Variants in PARP2 observed in about 807,000 individuals in gnomAD.
PARP2 encodes the protein poly(ADP-ribose) polymerase 2.
A neutral mutation model predicts 77.8 loss-of-function variants in PARP2; 57 were observed. The ratio of observed to expected loss-of-function variants is 0.73; its 90% CI spans 0.59 to 0.91. PARP2 has a LOEUF of 0.91. PARP2 is among the 40% of genes least tolerant of loss of function. PARP2 has a pLI of 0.00. For missense variants in PARP2, 651 were observed against 689.0 expected (o/e 0.94, Z 0.62); for synonymous variants, 226 against 242.6 (o/e 0.93, Z 0.64).
rs558473146 is a variant in PARP2, at chr14:20,350,964, T to G, written c.422-83T>G. On this transcript the variant is annotated intron_variant, in intron 5 of 15. Transcript: ENST00000429687. ...TTCCCTTCTCCCTTTCCTGCCTGTT[T>G]GTCAGATGTTAAGCAGAGAGATCTT... is the stretch of plus-strand genomic sequence containing the variant. The G allele has an allele frequency of 6.4e-5, 66 of 1,039,174 alleles. No homozygotes were observed. The African/African-American group carries it at 9.2e-4, about 15-fold the overall frequency. The allele number at this position is 1,039,174 out of a possible 1,614,324, so 64.4% of individuals were successfully genotyped here. A position where few individuals can be genotyped will look rare whatever the true frequency, so the allele number is the denominator to read the frequency against.
chr14:20,347,356 G>GTGTATGTATATATATATA (rs1168423656), intron 4 of PARP2, among the ~76,000 whole-genome samples: 2 of 29,562 alleles, frequency 6.8e-5, no homozygotes, highest in Non-Finnish European at 5.4e-5. Flanking sequence ...ATGTGTGTGT[G>GTGTATGTATATATATATA]TATATATATA....
chr14:20,353,972 C>A, intron 7 of PARP2, 113 bp from the exon 8 acceptor site: 1 of 799,084 alleles, frequency 1.3e-6, no homozygotes, highest in Admixed American at 2.4e-5. Flanking sequence ...ATTCCCTAGA[C>A]AGTGCAATAT....
rs1884177050 is a variant in PARP2, at chr14:20,356,956, GT to G, written c.1330-92del. 4 of 842,782 alleles carry G rather than the reference GT, an allele frequency of 4.7e-6. No individual in the cohort carries two copies. The South Asian group carries it at 5.5e-5, about 12-fold the overall frequency. 52.2% of individuals were successfully genotyped at this position (842,782 alleles called of 1,614,324 possible). On this transcript the variant is annotated intron_variant, in intron 13 of 15. Coordinates refer to ENST00000429687, the MANE Select transcript of PARP2 (RefSeq NM_001042618.2). ...GGAAATGGAGAAGGGTCTATATTGT[GT>G]TTAAGGGAATGGAAAAACAGGGTCA...
intron 3 of PARP2, among the ~76,000 whole-genome samples, chr14:20,345,815 G>A (rs531380647): frequency 1.3e-5 from 2 of 152,148 alleles, no homozygotes; most frequent in South Asian, 4.2e-4. Context: ...AAGGTGAAGC[G>A]GGAATAGGCA....
In PARP2 at chr14:20,357,425, AG is replaced by A; in HGVS notation, c.1459del (p.Glu487ArgfsTer32). 1 of 1,613,154 alleles carries A rather than the reference AG, an allele frequency of 6.2e-7. No individual in the cohort carries two copies. Among genetic ancestry groups the A allele is most frequent in the Non-Finnish European group, 8.5e-7 (1 of 1,179,632 alleles). ...VALGQCNELLEANPKAEGLLQ... is the reference protein window; with the variant it reads ...VALGQCNELLXANPKAEGLLQ... ...CTCTAGGTCAGTGTAATGAACTACT[AG>A]AGGCCAATCCTAAGGCCGAAGGATT... On this transcript the variant is annotated frameshift_variant, in exon 15 of 16. Transcript: ENST00000429687. LOFTEE classifies it high-confidence loss of function.
At chr14:20,348,137 GCACTGGGATTACAGGGATGAGC>G (rs1022294329) in intron 4 of PARP2, among the ~76,000 whole-genome samples, 4 of 152,078 alleles carry the variant, frequency 2.6e-5, no homozygotes, top group African/African-American at 9.7e-5. Flanking sequence ...TCCTCATGAG[GCACTGGGATTACAGGGATGAGC>G]CACTGGGACA....
At chr14:20,348,909 C>G (rs1883862147) in intron 4 of PARP2, among the ~76,000 whole-genome samples, 2 of 152,040 alleles carry the variant, frequency 1.3e-5, no homozygotes, top group South Asian at 4.1e-4. Context: ...ATCCCAGCTA[C>G]TCGGGAGGTT....
chr14:20,356,000 G>A lies in PARP2; in HGVS notation c.1070G>A (p.Arg357His), dbSNP rs370394530. Residue 357 changes from arginine to histidine, a missense_variant, in exon 11 of 16, where the codon CGC becomes CAC. By Grantham distance (29) the Arg-to-His change is conservative (BLOSUM62 0). Coordinates refer to ENST00000429687, the MANE Select transcript of PARP2 (RefSeq NM_001042618.2). Reference protein sequence around the residue: ...QHYRNLHCALRPLDHESYEFK... With the variant: ...QHYRNLHCALHPLDHESYEFK... ...TATAGAAACCTACATTGTGCCTTGC[G>A]CCCCCTTGACCATGAAAGTTATGAG... The A allele has an allele frequency of 2.3e-5, 37 of 1,613,746 alleles. No homozygotes were observed. The highest frequency in any genetic ancestry group is 4.4e-5 in the South Asian group (4 of 91,062).
Position 20,352,229 on chromosome 14 carries a change from AC to A in PARP2, c.498-14del. 1 of 1,439,264 alleles carries A rather than the reference AC, an allele frequency of 6.9e-7. No individual in the cohort carries two copies. The highest frequency in any genetic ancestry group is 9.8e-7 in the Non-Finnish European group (1 of 1,021,498). 89.2% of individuals were successfully genotyped at this position (1,439,264 alleles called of 1,614,324 possible). A position where few individuals can be genotyped will look rare whatever the true frequency, so the allele number is the denominator to read the frequency against. Reference sequence around the variant, plus strand: ...ACCTTTATTTGTAAAGTTTTCTTACACCTTGGACTCTACAGATTCCTTGACA... The same window carrying A: ...ACCTTTATTTGTAAAGTTTTCTTACACTTGGACTCTACAGATTCCTTGACA... On this transcript the variant is annotated splice_polypyrimidine_tract_variant and intron_variant, in intron 6 of 15. Coordinates refer to ENST00000429687, the MANE Select transcript of PARP2 (RefSeq NM_001042618.2).
At chr14:20,351,977 A>G (rs1176199459) in intron 6 of PARP2, among the ~76,000 whole-genome samples, 7 of 152,220 alleles carry the variant, frequency 4.6e-5, no homozygotes, top group Admixed American at 4.6e-4. Flanking sequence ...TTAGATGGAT[A>G]TCTTTTGTTT....
At chr14:20,351,970 G>A (rs1883970523) in intron 6 of PARP2, among the ~76,000 whole-genome samples, 2 of 152,212 alleles carry the variant, frequency 1.3e-5, no homozygotes, top group African/African-American at 4.8e-5. Flanking sequence ...AAAGAGATTA[G>A]ATGGATATCT....
At chr14:20,345,335 T>C in intron 2 of PARP2, 59 bp from the exon 3 acceptor site, 1 of 1,461,454 alleles carries the variant, frequency 6.8e-7, no homozygotes, top group Non-Finnish European at 9.6e-7. Context: ...CAAGTTTCTG[T>C]TTTACCACAA....
intron 4 of PARP2, among the ~76,000 whole-genome samples, chr14:20,347,383 TATATATATATATATA>T (rs1477904587): frequency 2.4e-4 from 5 of 21,184 alleles, no homozygotes; most frequent in Non-Finnish European, 4.1e-4. Context: ...TATATATATA[TATATATATATATATA>T]TTTTTTTTTT....
At chr14:20,346,499 A>G in intron 3 of PARP2, 1 of 174,932 alleles carries the variant, frequency 5.7e-6, no homozygotes, top group Non-Finnish European at 1.2e-5. Context: ...AGCCTGGGCT[A>G]ATTTTTATAT....
chr14:20,353,171 C>T (rs780945533), intron 7 of PARP2, among the ~76,000 whole-genome samples: 2 of 152,158 alleles, frequency 1.3e-5, no homozygotes, highest in African/African-American at 2.4e-5. Context: ...TGAGCCATCA[C>T]GCCCGGCCTA....
Position 20,357,882 on chromosome 14 carries a change from G to C in PARP2, c.*85G>C. Reference sequence around the variant, plus strand: ...ACTTGTGAATTTTGTGATATTTTATGTAATAAAAACTGTACAGGTCTACCA... The same window carrying C: ...ACTTGTGAATTTTGTGATATTTTATCTAATAAAAACTGTACAGGTCTACCA... On this transcript the variant is annotated 3_prime_UTR_variant, in exon 16 of 16. Coordinates refer to ENST00000429687, the MANE Select transcript of PARP2 (RefSeq NM_001042618.2). 7.6e-7 allele frequency: 1 copy of C among 1,309,318 alleles called. No individual in the cohort carries two copies. The highest frequency in any genetic ancestry group is 1.1e-6 in the Non-Finnish European group (1 of 929,812). 81.1% of individuals were successfully genotyped at this position (1,309,318 alleles called of 1,614,324 possible).
chr14:20,354,660 A>G (rs1884075866), intron 8 of PARP2, 149 bp from the exon 9 acceptor site: 1 of 743,226 alleles, frequency 1.3e-6, no homozygotes, highest in African/African-American at 1.7e-5. Context: ...GTGCCACGGC[A>G]CTCAGCCTGG....
At chr14:20,349,080 T>G (rs941299009) in intron 4 of PARP2, among the ~76,000 whole-genome samples, 2 of 151,882 alleles carry the variant, frequency 1.3e-5, no homozygotes, top group African/African-American at 4.8e-5. Context: ...GGCTCATGCC[T>G]GTCATCCTAG....
intron 1 of PARP2, 37 bp downstream of exon 1, chr14:20,343,724 G>A (rs928097049): frequency 3.7e-6 from 6 of 1,601,942 alleles, no homozygotes; most frequent in East Asian, 2.3e-5. Context: ...CATGCGGGGG[G>A]CGGGCAGTCA....
Sources: allele counts gnomAD v4.1 joint callset (sites outside exome capture counted in the v4.1 genomes callset), GRCh38; gene constraint gnomAD v4.1.1; transcripts MANE v1.5; gene names NCBI Gene and HGNC (gene_info 2026-07-23, HGNC 2026-07-21).